ORMDL1: variants seen among roughly 807,000 people sequenced by gnomAD.
ORMDL1 encodes ORM1-like protein 1.
A neutral mutation model predicts 13.0 loss-of-function variants in ORMDL1; 10 were observed. That is an observed-to-expected ratio of 0.77 (90% confidence interval 0.47 to 1.30). ORMDL1 has a LOEUF of 1.30. Ranked by LOEUF, ORMDL1 falls within the 50% of genes most tolerant of loss-of-function variation. The pLI, the probability that ORMDL1 is intolerant of heterozygous loss-of-function variation, is 0.00. For synonymous variants in ORMDL1, 61 were observed against 63.9 expected (o/e 0.95, Z 0.22); for missense variants, 171 against 186.7 (o/e 0.92, Z 0.49).
At chr2:189,769,281 G>A (rs1302906529), downstream of ORMDL1, among the ~76,000 whole-genome samples, 1 of 152,076 alleles carries the variant, frequency 6.6e-6, no homozygotes, top group Non-Finnish European at 1.5e-5. Context: ...CAGCTACTCA[G>A]GAGGCTGAGG....
rs1253047864 is a variant in ORMDL1 at position 189,771,006 on chromosome 2, A to C, written c.*761T>G. 6.6e-6 allele frequency: 1 copy of C among 152,230 alleles called. No homozygotes were observed. The highest frequency in any genetic ancestry group is 1.5e-5 in the Non-Finnish European group (1 of 68,036). The allele number at this position is 152,230 out of a possible 1,614,324, so 9.4% of individuals were successfully genotyped here. On this transcript the variant is annotated 3_prime_UTR_variant, in exon 5 of 5. Coordinates refer to ENST00000392349, the MANE Select transcript of ORMDL1 (RefSeq NM_016467.5). ...ACCATATATTTTTTAGTTGCTTGAA[A>C]GAAATTAATTATTTTCTTAATTGGT...
chr2:189,773,606 C>T (rs2047627590), intron 4 of ORMDL1, among the ~76,000 whole-genome samples: 1 of 150,918 alleles, frequency 6.6e-6, no homozygotes, highest in Non-Finnish European at 1.5e-5. Flanking sequence ...CCTGTAGTCC[C>T]AGCTACTGGG....
intron 1 of ORMDL1, chr2:189,783,540 G>A (rs763755297): frequency 6.6e-6 from 1 of 152,142 alleles, no homozygotes; most frequent in African/African-American, 2.4e-5. Flanking sequence ...AATGTTTCCG[G>A]AGTATAATGC....
chr2:189,768,022 A>G (rs2047511142), downstream of ORMDL1, among the ~76,000 whole-genome samples: 1 of 152,232 alleles, frequency 6.6e-6, no homozygotes, highest in Non-Finnish European at 1.5e-5. Context: ...ATTTGTAGCT[A>G]TATGAAAATT....
At chr2:189,766,676 A>G (rs1346956814), downstream of ORMDL1, among the ~76,000 whole-genome samples, 1 of 151,914 alleles carries the variant, frequency 6.6e-6, no homozygotes, top group East Asian at 1.9e-4. Flanking sequence ...GTGAGCTGGG[A>G]TTGCACCACT....
intron 1 of ORMDL1, 107 bp downstream of exon 1, chr2:189,784,162 A>T (rs1439177716): frequency 6.6e-6 from 1 of 152,524 alleles, no homozygotes; most frequent in East Asian, 1.9e-4. Context: ...GGCGCCGCAG[A>T]TGCAGCCGGA....
downstream of ORMDL1, among the ~76,000 whole-genome samples, chr2:189,766,152 G>A (rs1406730369): frequency 6.6e-6 from 1 of 151,996 alleles, no homozygotes; most frequent in Non-Finnish European, 1.5e-5. Context: ...AATTTTCTTT[G>A]CTGACCAGTA....
At chr2:189,768,114 T>C (rs868566135), downstream of ORMDL1, among the ~76,000 whole-genome samples, 7 of 152,348 alleles carry the variant, frequency 4.6e-5, no homozygotes, top group Admixed American at 6.5e-5. Context: ...AAAATAAAAA[T>C]GTGATACATC....
chr2:189,782,091 C>A (rs574197911), intron 3 of ORMDL1, among the ~76,000 whole-genome samples: 1 of 151,990 alleles, frequency 6.6e-6, no homozygotes, highest in Non-Finnish European at 1.5e-5. Flanking sequence ...TACAGGCATG[C>A]GCCACCATGC....
rs1366682048 is a variant in ORMDL1, at chr2:189,770,927, T to C, written c.*840A>G. ...CTTTTATATTTCCTTTTTCAAATGA[T>C]GACAAACTTTCCCAATTAAATTGTT... On this transcript the variant is annotated 3_prime_UTR_variant, in exon 5 of 5. Coordinates refer to ENST00000392349, the MANE Select transcript of ORMDL1 (RefSeq NM_016467.5). 2 of 152,224 alleles carry C rather than the reference T, an allele frequency of 1.3e-5. No individual in the cohort carries two copies. The highest frequency in any genetic ancestry group is 2.9e-5 in the Non-Finnish European group (2 of 68,032). 9.4% of individuals were successfully genotyped at this position (152,224 alleles called of 1,614,324 possible).
At chr2:189,781,733 GA>G (rs1457147179) in intron 3 of ORMDL1, among the ~76,000 whole-genome samples, 1 of 151,574 alleles carries the variant, frequency 6.6e-6, no homozygotes, top group Non-Finnish European at 1.5e-5. Context: ...AAAGAAAAAA[GA>G]AAATTCTATC....
At position 189,771,777 on chromosome 2, in the gene ORMDL1, T is replaced by C; in HGVS notation, c.452A>G (p.Asn151Ser). Residue 151 changes from asparagine to serine, a missense_variant, in exon 5 of 5, where the codon AAT becomes AGT. Coordinates refer to ENST00000392349, the MANE Select transcript of ORMDL1 (RefSeq NM_016467.5). ...CAGTTTCAAAACATTTCAATACTTA[T>C]TAATTCCAAAGATCCGAACACCATG... ...QLHGVRIFGI[N>S]KY is the part of the protein sequence containing the mutation. The C allele has an allele frequency of 1.3e-6, 2 of 1,591,210 alleles. No individual in the cohort carries two copies. Among genetic ancestry groups the C allele is most frequent in the South Asian group, 1.2e-5 (1 of 86,264 alleles).
the ORMDL1 span, chr2:189,763,958 A>C: frequency 6.6e-6 from 1 of 152,248 alleles, no homozygotes; most frequent in Non-Finnish European, 1.5e-5. Flanking sequence ...CACCTGCTGT[A>C]GATTAATTTC....
intron 1 of ORMDL1, among the ~76,000 whole-genome samples, chr2:189,783,853 G>C (rs116008960): frequency 1.6e-4 from 24 of 152,282 alleles, no homozygotes; most frequent in African/African-American, 5.5e-4. Context: ...CGCTGCCCAC[G>C]ACTGGCAAAC....
intron 3 of ORMDL1, among the ~76,000 whole-genome samples, chr2:189,779,717 G>A (rs1029188017): frequency 2.6e-5 from 4 of 152,038 alleles, no homozygotes; most frequent in African/African-American, 9.7e-5. Context: ...GAGAAGGGTA[G>A]AGAAGCATCA....
intron 4 of ORMDL1, among the ~76,000 whole-genome samples, chr2:189,772,307 C>T (rs1236423888): frequency 6.6e-6 from 1 of 152,132 alleles, no homozygotes. Flanking sequence ...AGGTTAAGAA[C>T]CTGTACTGTA....
downstream of ORMDL1, among the ~76,000 whole-genome samples, chr2:189,765,839 A>ATT (rs72132150): frequency 0.022 from 2,329 of 106,670 alleles, 93 homozygotes; most frequent in South Asian, 0.035. Flanking sequence ...TACTTTCTCC[A>ATT]TTTTTTTTTT....
chr2:189,778,160 C>A, intron 3 of ORMDL1: 1 of 441,530 alleles, frequency 2.3e-6, no homozygotes, highest in Non-Finnish European at 4.5e-6. Flanking sequence ...TTTGGGAGGC[C>A]GAGGCGGGCA....
At chr2:189,776,533 A>T (rs1457197427) in intron 3 of ORMDL1, among the ~76,000 whole-genome samples, 1 of 152,174 alleles carries the variant, frequency 6.6e-6, no homozygotes, top group Non-Finnish European at 1.5e-5. Flanking sequence ...GATAATGCCT[A>T]AATATTATCA....
Sources: gnomAD v4.1 joint callset for allele counts (sites outside exome capture counted in the v4.1 genomes callset) on GRCh38, gnomAD v4.1.1 for gene constraint, MANE v1.5 for transcripts, NCBI Gene and HGNC (gene_info 2026-07-23, HGNC 2026-07-21) for gene names.